Variants in DNMT1 observed in about 807,000 individuals in gnomAD.
The protein encoded by DNMT1 is DNA methyltransferase 1.
In DNMT1, 24 loss-of-function variants were observed where a neutral mutation model predicts 205.3. That is an observed-to-expected ratio of 0.12 (90% CI 0.08 to 0.16). The LOEUF is 0.16. DNMT1 is among the 10% of genes least tolerant of loss of function. The pLI, the probability that DNMT1 is intolerant of heterozygous loss-of-function variation, is 1.00. For missense variants in DNMT1, 1,293 were observed against 2,177.7 expected, an observed-to-expected ratio of 0.59 and a Z score of 8.09; for synonymous variants, 817 against 839.8, an observed-to-expected ratio of 0.97 and a Z score of 0.47.
chr19:10,144,481 T>G (rs2089660634), intron 28 of DNMT1: 1 of 220,504 alleles, frequency 4.5e-6, no homozygotes, highest in Non-Finnish European at 9.2e-6. Flanking sequence ...CCTCTGCGCA[T>G]TACTGGCTAC....
In DNMT1 at chr19:10,140,264, G is replaced by T; in HGVS notation, c.3588C>A (p.Asn1196Lys). 6.2e-7 allele frequency: 1 copy of T among 1,614,024 alleles called. No homozygotes were observed. Among genetic ancestry groups the T allele is most frequent in the Non-Finnish European group, 8.5e-7 (1 of 1,180,042 alleles). ...CTGTGAACACTGTGGAGCCGGGGTT[G>T]TTCAGCCGGAACGCCTGGGCCGCAG... is the stretch of plus-strand genomic sequence containing the variant. Reference protein sequence around the residue: ...WDPAAQAFRLNNPGSTVFTED... With the variant: ...WDPAAQAFRLKNPGSTVFTED... The change falls in exon 33 of 41, where the codon AAC (asparagine) becomes AAA (lysine). Residue 1196 changes from asparagine (N) to lysine (K), a missense_variant. Physicochemically the swap from Asn to Lys is moderately conservative, Grantham distance 94. This residue lies in a region of DNMT1 where 26 missense variants were observed against 86.5 expected (regional missense o/e 0.30). Coordinates refer to ENST00000359526, the MANE Select transcript of DNMT1 (RefSeq NM_001130823.3). The surrounding 1 kb of genome is among the most constrained non-coding windows in gnomAD (Gnocchi z 8.4).
In DNMT1 at chr19:10,182,969, ATATATATATACACG is replaced by A. The variant is rs1353296942; in HGVS notation, c.81-906_81-893del. Among the ~76,000 whole-genome samples, 7 of 149,064 alleles carry A rather than the reference ATATATATATACACG, an allele frequency of 4.7e-5. No individual in the cohort carries two copies. The East Asian group carries it at 6.3e-4, about 13-fold the overall frequency. ...GCATGAGTCACCATGTCTGGCATGC[ATATATATATACACG>A]TATATATATACACGTATATGTGTGT... On this transcript the variant is annotated intron_variant, in intron 1 of 40. Coordinates refer to ENST00000359526, the MANE Select transcript of DNMT1 (RefSeq NM_001130823.3).
chr19:10,151,254 G>T lies in DNMT1; in HGVS notation c.2265+144C>A. The T allele has an allele frequency of 8.0e-7, 1 of 1,249,282 alleles. No homozygotes were observed. Among genetic ancestry groups the T allele is most frequent in the Non-Finnish European group, 1.2e-6 (1 of 866,558 alleles). 77.4% of individuals were successfully genotyped at this position (1,249,282 alleles called of 1,614,324 possible). On this transcript the variant is annotated intron_variant, in intron 24 of 40. Transcript: ENST00000359526. The surrounding 1 kb of genome is among the most constrained non-coding windows in gnomAD (Gnocchi z 5.0). ...GCCATGGAACATGGTCTCTTGGCCA[G>T]TCCCGCTCTTCTCAGGGGCAAACAG...
At chr19:10,185,828 G>A (rs1436821422) in intron 1 of DNMT1, among the ~76,000 whole-genome samples, 4 of 133,418 alleles carry the variant, frequency 3.0e-5, no homozygotes, top group African/African-American at 1.1e-4. Flanking sequence ...AACAGAACAA[G>A]ACCCTGTCTC....
chr19:10,193,185 G>A (rs903398057), intron 1 of DNMT1, among the ~76,000 whole-genome samples: 2 of 152,050 alleles, frequency 1.3e-5, no homozygotes, highest in African/African-American at 2.4e-5. Flanking sequence ...GAAACCTCAC[G>A]TATACAGAAA....
In DNMT1 at chr19:10,168,890, T is replaced by C. The variant is rs139951869; in HGVS notation, c.769-526A>G. Among the ~76,000 whole-genome samples, 723 of 152,274 alleles carry C rather than the reference T, an allele frequency of 4.7e-3. 13 individuals are homozygous for C. The highest frequency in any genetic ancestry group is 6.0e-3 in the Non-Finnish European group (410 of 68,024). On this transcript the variant is annotated intron_variant, in intron 9 of 40. Transcript: ENST00000359526. ...TCTCACTCTGTTACCCAGGCTGGAG[T>C]GCAGTGGTGTACTCTTGGCTCACTG...
At chr19:10,162,961 A>T in intron 12 of DNMT1, 1 of 520,872 alleles carries the variant, frequency 1.9e-6, no homozygotes, top group Non-Finnish European at 3.3e-6. Flanking sequence ...TTTCTAGAAC[A>T]GGCTTTTTTT....
chr19:10,134,124 C>A, intron 40 of DNMT1, 93 bp downstream of exon 40: 1 of 1,411,644 alleles, frequency 7.1e-7, no homozygotes, highest in South Asian at 1.2e-5. Context: ...CCGCCTGAGT[C>A]CCAGAGCCCA....
In DNMT1 at chr19:10,159,656, A is replaced by G. The variant is rs1344636403; in HGVS notation, c.1280+2T>C. The G allele has an allele frequency of 1.9e-6, 3 of 1,614,172 alleles. No individual in the cohort carries two copies. The highest frequency in any genetic ancestry group is 2.5e-6 in the Non-Finnish European group (3 of 1,180,022). On this transcript the variant is annotated splice_donor_variant, in intron 17 of 40. Coordinates refer to ENST00000359526, the MANE Select transcript of DNMT1 (RefSeq NM_001130823.3). LOFTEE classifies it high-confidence loss of function. The surrounding 1 kb of genome is among the most constrained non-coding windows in gnomAD (Gnocchi z 5.0). ...CAAACATGCACACGAAAGTGCACTT[A>G]CCTGAAGCAGGTCAGTTTGTGCTGG... is the stretch of plus-strand genomic sequence containing the variant.
At position 10,133,709 on chromosome 19, in the gene DNMT1, G is replaced by T; in HGVS notation, c.4865-8C>A. The stretch of plus-strand genomic sequence containing the variant: ...CCTCCTCCTTTATTTTAGCTGAAGG[G>T]AAATAAAAGGAAAAGTCACTCTGGG... On this transcript the variant is annotated splice_region_variant and splice_polypyrimidine_tract_variant and intron_variant, in intron 40 of 40. Coordinates refer to ENST00000359526, the MANE Select transcript of DNMT1 (RefSeq NM_001130823.3). This position sits in a 1 kb window ranked among gnomAD's most constrained non-coding sequence, Gnocchi z 4.1. The T allele has an allele frequency of 6.3e-7, 1 of 1,585,692 alleles. No homozygotes were observed. The highest frequency in any genetic ancestry group is 8.6e-7 in the Non-Finnish European group (1 of 1,164,782).
chr19:10,170,111 CCTGT>C (rs1490090245), intron 9 of DNMT1, among the ~76,000 whole-genome samples: 1 of 151,744 alleles, frequency 6.6e-6, no homozygotes, highest in Non-Finnish European at 1.5e-5. Flanking sequence ...ACGGCAAAAC[CCTGT>C]CTCTACTAAA....
intron 1 of DNMT1, among the ~76,000 whole-genome samples, chr19:10,191,377 A>T (rs1332839374): frequency 6.6e-6 from 1 of 151,956 alleles, no homozygotes; most frequent in Admixed American, 6.6e-5. Flanking sequence ...AAAAAAAAAA[A>T]AAAGTCTGTG....
chr19:10,140,615 A>C lies in DNMT1; in HGVS notation c.3523+166T>G, dbSNP rs1599347252. 1 of 1,242,540 alleles carries C rather than the reference A, an allele frequency of 8.0e-7. No homozygotes were observed. Among genetic ancestry groups the C allele is most frequent in the Non-Finnish European group, 1.2e-6 (1 of 868,952 alleles). The allele number at this position is 1,242,540 out of a possible 1,614,324, so 77.0% of individuals were successfully genotyped here. A position where few individuals can be genotyped will look rare whatever the true frequency, so the allele number is the denominator to read the frequency against. On this transcript the variant is annotated intron_variant, in intron 32 of 40. Coordinates refer to ENST00000359526, the MANE Select transcript of DNMT1 (RefSeq NM_001130823.3). The surrounding 1 kb of genome is among the most constrained non-coding windows in gnomAD (Gnocchi z 8.4). Reference sequence around the variant, plus strand: ...AAACTCCTGACCTCATGATCCACCCACCTCGGCCTCCCAAAGTGCTGGGAT... The same window carrying C: ...AAACTCCTGACCTCATGATCCACCCCCCTCGGCCTCCCAAAGTGCTGGGAT...
chr19:10,182,195 T>C (rs2039059981), intron 1 of DNMT1, 118 bp from the exon 2 acceptor site: 2 of 1,035,506 alleles, frequency 1.9e-6, no homozygotes, highest in South Asian at 1.3e-5. Context: ...ATATGAGTGT[T>C]AGAAAAAACT....
At chr19:10,160,199 T>G (rs1599372302) in intron 14 of DNMT1, 136 bp from the exon 15 acceptor site, 1 of 1,538,070 alleles carries the variant, frequency 6.5e-7, no homozygotes, top group Non-Finnish European at 8.8e-7. Context: ...CCCAGGCGCG[T>G]GGTCACAGTG....
At position 10,136,426 on chromosome 19, in the gene DNMT1, G is replaced by A. The variant is rs549141450; in HGVS notation, c.4490-139C>T. ...TGGGGTGGAGCAGCCAACAATCCTC[G>A]TTCTCTGGGCACTGTTTTTATTATT... On this transcript the variant is annotated intron_variant, in intron 37 of 40. Coordinates refer to ENST00000359526, the MANE Select transcript of DNMT1 (RefSeq NM_001130823.3). The A allele has an allele frequency of 9.6e-5, 98 of 1,022,608 alleles. No homozygotes were observed. In the African/African-American group the frequency reaches 1.0e-3, roughly 10 times the overall value. 63.3% of individuals were successfully genotyped at this position (1,022,608 alleles called of 1,614,324 possible).
chr19:10,138,446 T>G lies in DNMT1; in HGVS notation c.4108A>C (p.Ile1370Leu), dbSNP rs201167482. Residue 1370 changes from isoleucine (I) to leucine (L), a missense_variant, in exon 35 of 41, where the codon ATA (isoleucine) becomes CTA (leucine). Physicochemically the swap from Ile to Leu is conservative, Grantham distance 5. This residue lies in a region of DNMT1 where 148 missense variants were observed against 256.1 expected (regional missense o/e 0.58). Transcript: ENST00000359526. The surrounding 1 kb of genome is among the most constrained non-coding windows in gnomAD (Gnocchi z 4.1). ...VVDDKKFVSN[I>L]TRLSSGPFRT... Reference sequence around the variant, plus strand: ...GCGACGGGGGCCACCTACCTGGTTATGTTGCTCACAAACTTCTTGTCATCC... The same window carrying G: ...GCGACGGGGGCCACCTACCTGGTTAGGTTGCTCACAAACTTCTTGTCATCC... 5.0e-6 allele frequency: 8 copies of G among 1,613,870 alleles called. No individual in the cohort carries two copies. The highest frequency in any genetic ancestry group is 5.9e-6 in the Non-Finnish European group (7 of 1,180,042).
At chr19:10,186,459 C>T (rs1039522243) in intron 1 of DNMT1, among the ~76,000 whole-genome samples, 9 of 152,138 alleles carry the variant, frequency 5.9e-5, no homozygotes, top group East Asian at 5.8e-4. Flanking sequence ...CTCAGAATGC[C>T]GGCTTAGTGC....
At chr19:10,161,434 A>G (rs1384357831) in intron 13 of DNMT1, among the ~76,000 whole-genome samples, 1 of 152,198 alleles carries the variant, frequency 6.6e-6, no homozygotes. Flanking sequence ...GGACTGCTTG[A>G]GCACAGGAGC....
Sources: gnomAD v4.1 joint callset for allele counts (sites outside exome capture counted in the v4.1 genomes callset) on GRCh38, gnomAD v4.1.1 for gene constraint, gnomAD v4.1.1 regional missense constraint, Gnocchi (gnomAD v3.1) non-coding constraint, MANE v1.5 for transcripts, NCBI Gene and HGNC (gene_info 2026-07-23, HGNC 2026-07-21) for gene names.